Variants in ADAMTS3 observed in about 807,000 individuals in gnomAD.
The protein encoded by ADAMTS3 is A disintegrin and metalloproteinase with thrombospondin motifs 3.
Under a neutral mutation model 129.0 loss-of-function variants are expected in ADAMTS3, and 73 were observed. The observed-to-expected ratio is 0.57, with a 90% CI of 0.47 to 0.69. The LOEUF is 0.69. Ranked by LOEUF, ADAMTS3 falls within the 30% of genes least tolerant of loss-of-function variation. The pLI, the probability that ADAMTS3 is intolerant of heterozygous loss-of-function variation, is 0.00. For missense variants in ADAMTS3, 1,457 were observed against 1,514.5 expected, an observed-to-expected ratio of 0.96 and a Z score of 0.63; for synonymous variants, 477 against 510.8, an observed-to-expected ratio of 0.93 and a Z score of 0.89.
chr4:72,408,278 C>T (rs1351772041), intron 4 of ADAMTS3, among the ~76,000 whole-genome samples: 1 of 151,714 alleles, frequency 6.6e-6, no homozygotes, highest in African/African-American at 2.4e-5. Flanking sequence ...AGGAAGATGC[C>T]CGGTAGAAGA....
chr4:72,468,917 C>T (rs1255857974), intron 3 of ADAMTS3, among the ~76,000 whole-genome samples: 1 of 152,024 alleles, frequency 6.6e-6, no homozygotes, highest in East Asian at 1.9e-4. Flanking sequence ...AAAGCAGTCT[C>T]TGGTTTCCAA....
At chr4:72,519,131 C>G (rs373530990) in intron 3 of ADAMTS3, among the ~76,000 whole-genome samples, 1 of 151,046 alleles carries the variant, frequency 6.6e-6, no homozygotes, top group African/African-American at 2.4e-5. Flanking sequence ...TTCTGGGTTG[C>G]AAATTCTTTT....
At chr4:72,499,749 T>C (rs1376751514) in intron 3 of ADAMTS3, among the ~76,000 whole-genome samples, 3 of 152,138 alleles carry the variant, frequency 2.0e-5, no homozygotes, top group Middle Eastern at 3.2e-3. Context: ...CAATGCCCAA[T>C]AGTTTTTCAA....
chr4:72,538,415 G>A (rs1417544117), intron 3 of ADAMTS3, among the ~76,000 whole-genome samples: 1 of 151,966 alleles, frequency 6.6e-6, no homozygotes, highest in Non-Finnish European at 1.5e-5. Context: ...CACATTACAA[G>A]GGATCCTCAA....
At chr4:72,561,422 C>T (rs1286675985) in intron 2 of ADAMTS3, among the ~76,000 whole-genome samples, 1 of 151,904 alleles carries the variant, frequency 6.6e-6, no homozygotes, top group Non-Finnish European at 1.5e-5. Flanking sequence ...GGAGGATCGC[C>T]TGAGCTGGGG....
chr4:72,309,212 T>C (rs566740789), intron 15 of ADAMTS3, among the ~76,000 whole-genome samples, 185 bp downstream of exon 15: 1 of 152,014 alleles, frequency 6.6e-6, no homozygotes, highest in Admixed American at 6.6e-5. Flanking sequence ...CTAGGGAGTA[T>C]GAATTCATTC....
chr4:72,354,678 A>G (rs1471668126), intron 4 of ADAMTS3, among the ~76,000 whole-genome samples: 2 of 152,008 alleles, frequency 1.3e-5, no homozygotes, highest in African/African-American at 4.8e-5. Flanking sequence ...TTTCATTGTT[A>G]TTCTCAAGTC....
In ADAMTS3 at chr4:72,435,206, T is replaced by C. The variant is rs141214869; in HGVS notation, c.505-20235A>G. 3.2e-3 allele frequency among the ~76,000 whole-genome samples: 488 copies of C among 151,934 alleles called. 4 individuals are homozygous for C. Among genetic ancestry groups the C allele is most frequent in the African/African-American group, 0.011 (465 of 41,518 alleles). On this transcript the variant is annotated intron_variant, in intron 3 of 21. Coordinates refer to ENST00000286657, the MANE Select transcript of ADAMTS3 (RefSeq NM_014243.3). ...TTTGATTGCAGTATGAAAGCTGATA[T>C]AAAAAGGCAGATCACTGCCTTGTTT...
At chr4:72,516,533 C>A (rs1290176357) in intron 3 of ADAMTS3, among the ~76,000 whole-genome samples, 1 of 152,058 alleles carries the variant, frequency 6.6e-6, no homozygotes, top group Non-Finnish European at 1.5e-5. Flanking sequence ...TTGTCGTTCT[C>A]CTTGAAGAGG....
chr4:72,568,865 G>GA lies in ADAMTS3; in HGVS notation c.-104dup. The stretch of plus-strand genomic sequence containing the variant: ...TTTCTTTAAGAAAAAAAGGAAAAGG[G>GA]AAAAAATGCGAAATAGAAAAAAATG... On this transcript the variant is annotated 5_prime_UTR_variant, in exon 1 of 22. Coordinates refer to ENST00000286657, the MANE Select transcript of ADAMTS3 (RefSeq NM_014243.3). 1.2e-6 allele frequency: 1 copy of GA among 808,192 alleles called. No individual in the cohort carries two copies. Among genetic ancestry groups the GA allele is most frequent in the Non-Finnish European group, 2.0e-6 (1 of 509,240 alleles). The allele number at this position is 808,192 out of a possible 1,614,324, so 50.1% of individuals were successfully genotyped here.
chr4:72,472,088 G>A (rs779596103), intron 3 of ADAMTS3, among the ~76,000 whole-genome samples: 11 of 152,108 alleles, frequency 7.2e-5, no homozygotes, highest in South Asian at 4.1e-4. Context: ...TAAGAACTGA[G>A]TTTAACATCT....
intron 3 of ADAMTS3, among the ~76,000 whole-genome samples, chr4:72,452,901 G>C (rs1718444123): frequency 6.6e-6 from 1 of 151,752 alleles, no homozygotes. Flanking sequence ...GGATGTATCG[G>C]AGTCTATCTC....
chr4:72,397,565 AC>A (rs1194802291), intron 4 of ADAMTS3, among the ~76,000 whole-genome samples: 1 of 2,436 alleles, frequency 4.1e-4, no homozygotes, highest in African/African-American at 5.3e-4. Flanking sequence ...ACTCTATTAC[AC>A]ACACACACAC....
chr4:72,408,297 A>G (rs1722100747), intron 4 of ADAMTS3, among the ~76,000 whole-genome samples: 1 of 152,140 alleles, frequency 6.6e-6, no homozygotes, highest in Non-Finnish European at 1.5e-5. Flanking sequence ...GACTCATATG[A>G]AAAAGATCCT....
chr4:72,537,615 C>T (rs201193953), intron 3 of ADAMTS3, among the ~76,000 whole-genome samples: 1 of 146,030 alleles, frequency 6.8e-6, no homozygotes, highest in Non-Finnish European at 1.5e-5. Flanking sequence ...AACAAATAAA[C>T]AACAACAACA....
At chr4:72,494,722 G>C (rs1719830570) in intron 3 of ADAMTS3, among the ~76,000 whole-genome samples, 1 of 152,170 alleles carries the variant, frequency 6.6e-6, no homozygotes, top group African/African-American at 2.4e-5. Context: ...ACTGGCTTCA[G>C]AAAGATATTT....
chr4:72,528,503 T>A (rs1578764824), intron 3 of ADAMTS3, among the ~76,000 whole-genome samples: 1 of 145,192 alleles, frequency 6.9e-6, no homozygotes, highest in South Asian at 2.1e-4. Context: ...TTGTTGTTTG[T>A]CAATTAAAAG....
chr4:72,388,022 G>T (rs887181832), intron 4 of ADAMTS3, among the ~76,000 whole-genome samples: 3 of 152,170 alleles, frequency 2.0e-5, no homozygotes, highest in African/African-American at 7.2e-5. Flanking sequence ...TTGTCAGTGA[G>T]ATGGTAAGAA....
Position 72,526,570 on chromosome 4 carries a change from ATG to A in ADAMTS3, c.504+21906_504+21907del, listed in dbSNP as rs56774889. 6.0e-3 allele frequency among the ~76,000 whole-genome samples: 798 copies of A among 132,040 alleles called. 6 individuals carry two copies. The highest frequency in any genetic ancestry group is 0.021 in the African/African-American group (764 of 35,776). The allele number at this position is 132,040 out of a possible 152,430, so 86.6% of individuals were successfully genotyped here. On this transcript the variant is annotated intron_variant, in intron 3 of 21. Coordinates refer to ENST00000286657, the MANE Select transcript of ADAMTS3 (RefSeq NM_014243.3). ...TTAATAAAATATACTAATGAAATTTATGTGTGTGTGTGTGTGTGTGTGTGTGT... is the reference window on the plus strand; with the variant it reads ...TTAATAAAATATACTAATGAAATTTATGTGTGTGTGTGTGTGTGTGTGTGT...
Sources: gnomAD v4.1 joint callset for allele counts (sites outside exome capture counted in the v4.1 genomes callset) on GRCh38, gnomAD v4.1.1 for gene constraint, MANE v1.5 for transcripts, NCBI Gene and HGNC (gene_info 2026-07-23, HGNC 2026-07-21) for gene names.